DMXL2: variants seen among roughly 807,000 people sequenced by gnomAD.
DMXL2 encodes Dmx like 2, also known as dmX-like protein 2.
Under a neutral mutation model 331.1 loss-of-function variants are expected in DMXL2, and 103 were observed. That is an observed-to-expected ratio of 0.31 (90% confidence interval 0.27 to 0.37). The LOEUF (loss-of-function observed/expected upper bound fraction) is 0.37. Among genes scored for constraint, DMXL2 ranks in the 10% least tolerant of loss-of-function variants. DMXL2 has a pLI of 1.00. For synonymous variants in DMXL2, 1,281 were observed against 1,252.1 expected (o/e 1.02, Z -0.49); for missense variants, 3,171 against 3,642.9 (o/e 0.87, Z 3.33).
At chr15:51,475,020 A>G (rs1042074876) in intron 27 of DMXL2, among the ~76,000 whole-genome samples, 2 of 150,514 alleles carry the variant, frequency 1.3e-5, no homozygotes, top group South Asian at 2.1e-4. Context: ...ATTACAAAGG[A>G]AAAAAAAAGT....
intron 33 of DMXL2, among the ~76,000 whole-genome samples, chr15:51,462,429 G>C (rs191491929): frequency 3.9e-5 from 6 of 152,034 alleles, no homozygotes; most frequent in Non-Finnish European, 8.8e-5. Flanking sequence ...TCTGCCTCTC[G>C]GGTTCAAGCA....
At chr15:51,490,560 C>T (rs1289599009) in intron 20 of DMXL2, among the ~76,000 whole-genome samples, 1 of 152,202 alleles carries the variant, frequency 6.6e-6, no homozygotes. Context: ...CAGGCTAAAT[C>T]TAACATTTAT....
intron 41 of DMXL2, 134 bp downstream of exon 41, chr15:51,453,416 A>G (rs1446428517): frequency 5.2e-6 from 3 of 576,860 alleles, no homozygotes; most frequent in African/African-American, 3.9e-5. Context: ...ACACTCTGAA[A>G]TAAGAATTAT....
intron 33 of DMXL2, among the ~76,000 whole-genome samples, chr15:51,461,320 C>A (rs753705086): frequency 6.6e-6 from 1 of 152,042 alleles, no homozygotes; most frequent in African/African-American, 2.4e-5. Flanking sequence ...GAAGCAAACT[C>A]GTGGGGAAGG....
chr15:51,607,232 G>A (rs910986438), intron 1 of DMXL2, among the ~76,000 whole-genome samples: 38 of 151,822 alleles, frequency 2.5e-4, no homozygotes, highest in Admixed American at 1.8e-3. Context: ...CGAGGCAGGC[G>A]GATCACAAGG....
Position 51,491,537 on chromosome 15 carries a change from G to GT in DMXL2, c.4953+40dup, listed in dbSNP as rs773145688. On this transcript the variant is annotated intron_variant, in intron 20 of 43. Coordinates refer to ENST00000560891, the MANE Select transcript of DMXL2 (RefSeq NM_001378457.1). ...AGTATCTTTTTTTCGTTAGGAAAAG[G>GT]TTTTTTTAATATAACTCAAAATCCA... 34 of 1,550,650 alleles carry GT rather than the reference G, an allele frequency of 2.2e-5. No individual in the cohort carries two copies. In the Middle Eastern group the frequency reaches 1.5e-3, roughly 70 times the overall value.
intron 10 of DMXL2, 44 bp downstream of exon 10, chr15:51,538,169 C>T (rs1371459155): frequency 6.4e-7 from 1 of 1,569,212 alleles, no homozygotes; most frequent in East Asian, 2.3e-5. Context: ...CCACAGAAAG[C>T]TGTTAACTTT....
intron 2 of DMXL2, among the ~76,000 whole-genome samples, chr15:51,569,408 G>A (rs2050510758): frequency 6.6e-6 from 1 of 152,178 alleles, no homozygotes; most frequent in Non-Finnish European, 1.5e-5. Flanking sequence ...AGCTTCAGCA[G>A]ACTTAAACGT....
chr15:51,596,929 G>C (rs977289447), intron 1 of DMXL2, among the ~76,000 whole-genome samples: 5 of 152,174 alleles, frequency 3.3e-5, no homozygotes, highest in Admixed American at 2.6e-4. Context: ...TGTGAGGTGG[G>C]AGGAGGGGGG....
At chr15:51,506,236 A>AT (rs916907715) in intron 16 of DMXL2, among the ~76,000 whole-genome samples, 4 of 151,796 alleles carry the variant, frequency 2.6e-5, no homozygotes, top group African/African-American at 4.8e-5. Context: ...TTAATTTTTT[A>AT]TTTTTTTGTA....
intron 17 of DMXL2, 60 bp downstream of exon 17, chr15:51,502,745 TA>T (rs1375076091): frequency 2.7e-6 from 3 of 1,097,892 alleles, no homozygotes; most frequent in Non-Finnish European, 4.2e-6. Context: ...TTTTATCCAC[TA>T]AAGAGTTCAT....
At chr15:51,470,883 T>C (rs1282642990) in intron 29 of DMXL2, among the ~76,000 whole-genome samples, 1 of 152,052 alleles carries the variant, frequency 6.6e-6, no homozygotes, top group East Asian at 1.9e-4. Context: ...TCTAATTCCA[T>C]GCTTACCAAG....
chr15:51,499,371 C>T lies in DMXL2; in HGVS notation c.3853G>A (p.Ala1285Thr). Residue 1285 changes from alanine to threonine, a missense_variant, in exon 18 of 44, where the codon GCT becomes ACT. This residue lies in a region of DMXL2 where 1,674 missense variants were observed against 1,780.2 expected (regional missense o/e 0.94). Coordinates refer to ENST00000560891, the MANE Select transcript of DMXL2 (RefSeq NM_001378457.1). ...KHAVKFGDTE[A>T]DSSNAEEAAM... ...GCCTCTTCTGCATTAGAACTATCAG[C>T]TTCAGTGTCTCCAAATTTGACAGCA... 1 of 1,613,916 alleles carries T rather than the reference C, an allele frequency of 6.2e-7. No individual in the cohort carries two copies. The highest frequency in any genetic ancestry group is 8.5e-7 in the Non-Finnish European group (1 of 1,179,988).
In DMXL2 at chr15:51,448,467, G is replaced by C. The variant is rs1332019902; in HGVS notation, c.*517C>G. 1.2e-5 allele frequency: 2 copies of C among 160,370 alleles called. No homozygotes were observed. The highest frequency in any genetic ancestry group is 1.2e-4 in the Admixed American group (2 of 17,226). The allele number at this position is 160,370 out of a possible 1,614,324, so 9.9% of individuals were successfully genotyped here. A position where few individuals can be genotyped will look rare whatever the true frequency, so the allele number is the denominator to read the frequency against. On this transcript the variant is annotated 3_prime_UTR_variant, in exon 44 of 44. Transcript: ENST00000560891. ...GAAAAATATTCAGCAGGAAAGAATGGAAACGGCCTCTCACAGCAGAGAACT... is the reference window on the plus strand; with the variant it reads ...GAAAAATATTCAGCAGGAAAGAATGCAAACGGCCTCTCACAGCAGAGAACT...
chr15:51,597,052 C>A (rs1047869810), intron 1 of DMXL2, among the ~76,000 whole-genome samples: 18 of 151,986 alleles, frequency 1.2e-4, no homozygotes, highest in Non-Finnish European at 2.1e-4. Flanking sequence ...GCACATGTAC[C>A]CTAAAACTTA....
At chr15:51,604,840 A>G (rs1430996220) in intron 1 of DMXL2, among the ~76,000 whole-genome samples, 2 of 152,248 alleles carry the variant, frequency 1.3e-5, no homozygotes, top group Admixed American at 1.3e-4. Flanking sequence ...CAATTATAAG[A>G]CTTACCATAA....
intron 16 of DMXL2, among the ~76,000 whole-genome samples, chr15:51,506,910 TA>T (rs1292286992): frequency 3.9e-5 from 6 of 152,352 alleles, no homozygotes; most frequent in South Asian, 4.1e-4. Flanking sequence ...ACAAAGCTTT[TA>T]TTTTTTTTCA....
At chr15:51,464,620 G>T in intron 32 of DMXL2, 55 bp downstream of exon 32, 1 of 1,498,428 alleles carries the variant, frequency 6.7e-7, no homozygotes, top group Non-Finnish European at 9.2e-7. Context: ...TAGCCAAACT[G>T]TCTTCCAGAA....
At chr15:51,458,894 TAGCAGCAGC>T (rs3830518) in intron 34 of DMXL2, 99 bp from the exon 35 acceptor site, 164 of 771,996 alleles carry the variant, frequency 2.1e-4, no homozygotes, top group African/African-American at 1.5e-3. Flanking sequence ...GAAGAAAATG[TAGCAGCAGC>T]AGCAGCAGCA....
Sources: allele counts gnomAD v4.1 joint callset (sites outside exome capture counted in the v4.1 genomes callset), GRCh38; gene constraint gnomAD v4.1.1; regional missense constraint gnomAD v4.1.1; transcripts MANE v1.5; gene names NCBI Gene and HGNC (gene_info 2026-07-23, HGNC 2026-07-21).